Variants in RAPGEF4 observed in about 807,000 individuals in gnomAD.
RAPGEF4 encodes RAP guanine-nucleotide-exchange factor (GEF) 4.
In RAPGEF4, 66 loss-of-function variants were observed where a neutral mutation model predicts 147.9. The observed-to-expected ratio is 0.45, with a 90% CI of 0.37 to 0.55. RAPGEF4 has a LOEUF of 0.55. Ranked by LOEUF, RAPGEF4 falls within the 20% of genes least tolerant of loss-of-function variation. The probability of loss-of-function intolerance (pLI) is 0.00; values close to 1 mark genes in which losing one functional copy is unlikely to be tolerated. For missense variants in RAPGEF4, 1,071 were observed against 1,257.3 expected (o/e 0.85, Z 2.24); for synonymous variants, 419 against 442.7 (o/e 0.95, Z 0.67).
chr2:172,956,747 G>C (rs772082028), intron 6 of RAPGEF4, among the ~76,000 whole-genome samples: 3 of 152,204 alleles, frequency 2.0e-5, no homozygotes, highest in Non-Finnish European at 2.9e-5. Context: ...CGGGATTACA[G>C]GCGTGAGCCA....
At chr2:173,024,211 T>G (rs1481888839) in intron 23 of RAPGEF4, among the ~76,000 whole-genome samples, 1 of 47,360 alleles carries the variant, frequency 2.1e-5, no homozygotes, top group Non-Finnish European at 5.9e-5. Context: ...CACTTCTTTT[T>G]TTTATTATTT....
intron 6 of RAPGEF4, among the ~76,000 whole-genome samples, chr2:172,925,130 C>T (rs535906627): frequency 6.6e-6 from 1 of 152,176 alleles, no homozygotes; most frequent in Non-Finnish European, 1.5e-5. Context: ...CAGGCACCCA[C>T]CACCATGCCT....
intron 1 of RAPGEF4, among the ~76,000 whole-genome samples, chr2:172,747,790 A>G (rs2149434640): frequency 6.6e-6 from 1 of 152,178 alleles, no homozygotes; most frequent in East Asian, 1.9e-4. Flanking sequence ...TCATAACTGA[A>G]ACTTTGTACC....
At chr2:172,768,129 C>T (rs1697022209) in intron 1 of RAPGEF4, among the ~76,000 whole-genome samples, 1 of 152,000 alleles carries the variant, frequency 6.6e-6, no homozygotes. Context: ...TGTTTTGATG[C>T]GTGACTTTTT....
chr2:172,847,483 C>A (rs1185121956), intron 4 of RAPGEF4, among the ~76,000 whole-genome samples: 1 of 152,210 alleles, frequency 6.6e-6, no homozygotes, highest in Non-Finnish European at 1.5e-5. Context: ...TTGGCTCCTG[C>A]CCTGGGACAT....
At chr2:172,817,328 C>A (rs894716424) in intron 4 of RAPGEF4, among the ~76,000 whole-genome samples, 1 of 152,144 alleles carries the variant, frequency 6.6e-6, no homozygotes, top group Non-Finnish European at 1.5e-5. Flanking sequence ...TGTTGATGAT[C>A]TATACATGGC....
chr2:172,973,063 T>C (rs1690665821), intron 10 of RAPGEF4, among the ~76,000 whole-genome samples: 1 of 152,070 alleles, frequency 6.6e-6, no homozygotes, highest in Admixed American at 6.6e-5. Context: ...ATTCAGTTTG[T>C]GATCGTTGGA....
chr2:172,926,557 T>A (rs1388930407), intron 6 of RAPGEF4, among the ~76,000 whole-genome samples: 1 of 151,952 alleles, frequency 6.6e-6, no homozygotes, highest in East Asian at 1.9e-4. Context: ...TTGTGAGTTT[T>A]TTGTTTGTTT....
At chr2:172,767,936 G>A (rs1362963718) in intron 1 of RAPGEF4, among the ~76,000 whole-genome samples, 3 of 151,950 alleles carry the variant, frequency 2.0e-5, no homozygotes, top group Admixed American at 1.3e-4. Flanking sequence ...TCAGCCTCCC[G>A]AGTAGCTGGG....
intron 30 of RAPGEF4, among the ~76,000 whole-genome samples, chr2:173,050,683 T>C (rs1031132979): frequency 6.6e-6 from 1 of 150,446 alleles, no homozygotes; most frequent in African/African-American, 2.5e-5. Flanking sequence ...TTTTCCCTTT[T>C]ATTTTGAAAT....
chr2:173,013,009 C>G (rs1646182463), intron 17 of RAPGEF4, among the ~76,000 whole-genome samples: 1 of 152,210 alleles, frequency 6.6e-6, no homozygotes, highest in East Asian at 1.9e-4. Context: ...TCATTGTGAG[C>G]TGAGAGAGGA....
At chr2:172,741,415 C>A (rs912472549) in intron 1 of RAPGEF4, among the ~76,000 whole-genome samples, 1 of 152,212 alleles carries the variant, frequency 6.6e-6, no homozygotes, top group Non-Finnish European at 1.5e-5. Context: ...GCCTCTGTAA[C>A]CCAAAAAGGC....
At chr2:172,870,569 A>G (rs142402552) in intron 4 of RAPGEF4, among the ~76,000 whole-genome samples, 14 of 152,084 alleles carry the variant, frequency 9.2e-5, no homozygotes, top group African/African-American at 3.4e-4. Flanking sequence ...TAAACCCCAG[A>G]CTAGACTGGG....
chr2:173,033,210 G>C (rs1031748300), intron 26 of RAPGEF4, among the ~76,000 whole-genome samples: 10 of 152,152 alleles, frequency 6.6e-5, no homozygotes, highest in African/African-American at 2.4e-4. Context: ...AGAAATAAAT[G>C]CTCATGTAGA....
intron 6 of RAPGEF4, among the ~76,000 whole-genome samples, chr2:172,955,507 C>A (rs775379331): frequency 1.3e-5 from 2 of 152,188 alleles, no homozygotes; most frequent in Non-Finnish European, 2.9e-5. Flanking sequence ...ATCTGTCCCC[C>A]CTGCCTCGCG....
At chr2:172,804,671 T>C (rs546045046) in intron 3 of RAPGEF4, among the ~76,000 whole-genome samples, 1 of 152,296 alleles carries the variant, frequency 6.6e-6, no homozygotes, top group Admixed American at 6.5e-5. Flanking sequence ...CTGCAAGGCA[T>C]CTGCTCCCAA....
chr2:172,909,069 G>A (rs1231267707), intron 4 of RAPGEF4, among the ~76,000 whole-genome samples: 1 of 152,150 alleles, frequency 6.6e-6, no homozygotes, highest in Non-Finnish European at 1.5e-5. Flanking sequence ...TAGCACCATG[G>A]CAGGGTGGCC....
chr2:172,795,866 G>A lies in RAPGEF4; in HGVS notation c.208+699G>A, dbSNP rs185840011. On this transcript the variant is annotated intron_variant, in intron 2 of 30. Transcript: ENST00000397081. ...TTTTTTGTTTTTGTATGCATTCTGA[G>A]GTGTTGGGCTTTGTCCTCAGACTTG... Among the ~76,000 whole-genome samples, 12 of 152,304 alleles carry A rather than the reference G, an allele frequency of 7.9e-5. No individual in the cohort carries two copies. In the East Asian group the frequency reaches 2.3e-3, roughly 29 times the overall value.
intron 4 of RAPGEF4, among the ~76,000 whole-genome samples, chr2:172,841,696 G>A (rs1470195939): frequency 6.6e-6 from 1 of 151,918 alleles, no homozygotes; most frequent in Non-Finnish European, 1.5e-5. Flanking sequence ...AATGTGGATG[G>A]TTACTGCCAC....
Sources: gnomAD v4.1 joint callset for allele counts (sites outside exome capture counted in the v4.1 genomes callset) on GRCh38, gnomAD v4.1.1 for gene constraint, MANE v1.5 for transcripts, NCBI Gene and HGNC (gene_info 2026-07-23, HGNC 2026-07-21) for gene names.